The following GANAB variants were observed in gnomAD, a reference collection of about 807,000 sequenced individuals.
GANAB encodes the protein neutral alpha-glucosidase AB.
GANAB carries 35 observed loss-of-function variants against 129.9 expected under a neutral mutation model. The ratio of observed to expected loss-of-function variants is 0.27; its 90% CI spans 0.21 to 0.36. The LOEUF is 0.36. GANAB is among the 10% of genes least tolerant of loss of function. GANAB has a pLI of 1.00. For missense variants in GANAB, 939 were observed against 1,221.0 expected (o/e 0.77, Z 3.44); for synonymous variants, 482 against 451.8 (o/e 1.07, Z -0.85).
At position 62,626,950 on chromosome 11, in the gene GANAB, G is replaced by A. The variant is rs1943412551; in HGVS notation, c.2323-16C>T. Reference sequence around the variant, plus strand: ...CATACCACACCTGTGAGTGACAAAAGAGGTAAGATACCGGATCACTCAGTG... The same window carrying A: ...CATACCACACCTGTGAGTGACAAAAAAGGTAAGATACCGGATCACTCAGTG... On this transcript the variant is annotated splice_polypyrimidine_tract_variant and intron_variant, in intron 19 of 23. Transcript: ENST00000356638. 6.2e-7 allele frequency: 1 copy of A among 1,602,350 alleles called. No homozygotes were observed. The highest frequency in any genetic ancestry group is 1.3e-5 in the African/African-American group (1 of 74,800).
At chr11:62,631,220 GC>G in intron 9 of GANAB, 37 bp from the exon 10 acceptor site, 1 of 1,507,066 alleles carries the variant, frequency 6.6e-7, no homozygotes, top group Non-Finnish European at 8.9e-7. Flanking sequence ...GACACCTCCT[GC>G]CCTCCCATTT....
At position 62,630,633 on chromosome 11, in the gene GANAB, T is replaced by C. The variant is rs746197385; in HGVS notation, c.1354A>G (p.Met452Val). 1.2e-6 allele frequency: 2 copies of C among 1,613,404 alleles called. No individual in the cohort carries two copies. Among genetic ancestry groups the C allele is most frequent in the Non-Finnish European group, 1.7e-6 (2 of 1,179,376 alleles). ...CTCTTAGAAGCCAAGCGCTCAAGCATGGTGCGGGGCTGAGGGAAGCGACTG... is the reference window on the plus strand; with the variant it reads ...CTCTTAGAAGCCAAGCGCTCAAGCACGGTGCGGGGCTGAGGGAAGCGACTG... ...DPSRFPQPRT[M>V]LERLASKRRK... Residue 452 changes from methionine to valine, a missense_variant, in exon 11 of 24, where the codon ATG becomes GTG. Met to Val is a conservative substitution (Grantham distance 21). Coordinates refer to ENST00000356638, the MANE Select transcript of GANAB (RefSeq NM_198334.3).
At chr11:62,630,543 G>C (rs201409326) in intron 11 of GANAB, 38 bp from the exon 12 acceptor site, 3 of 1,613,868 alleles carry the variant, frequency 1.9e-6, no homozygotes, top group Non-Finnish European at 2.5e-6. Context: ...GTCTCTTTAA[G>C]GCTAAACTAT....
At position 62,630,389 on chromosome 11, in the gene GANAB, C is replaced by A. The variant is rs779819784; in HGVS notation, c.1503G>T (p.Trp501Cys). 12 of 1,614,210 alleles carry A rather than the reference C, an allele frequency of 7.4e-6. No homozygotes were observed. Among genetic ancestry groups the A allele is most frequent in the Non-Finnish European group, 1.0e-5 (12 of 1,180,044 alleles). ...KTRDGSDYEG[W>C]CWPGSAGYPD... ...TCTGGGTCTGCTTACCTGGCCAGCA[C>A]CAGCCCTCATAGTCAGAGCCATCCC... Residue 501 changes from tryptophan (W) to cysteine (C), a missense_variant, in exon 12 of 24, where the codon TGG becomes TGT. By Grantham distance (215) the Trp-to-Cys change is radical (BLOSUM62 -2). This residue lies in a region of GANAB where 220 missense variants were observed against 295.9 expected (regional missense o/e 0.74). Coordinates refer to ENST00000356638, the MANE Select transcript of GANAB (RefSeq NM_198334.3).
At chr11:62,626,266 T>A (rs901380152) in intron 22 of GANAB, 69 bp downstream of exon 22, 1 of 1,332,416 alleles carries the variant, frequency 7.5e-7, no homozygotes, top group Admixed American at 1.7e-5. Context: ...AAGAGCACAG[T>A]GAACTGGGAG....
chr11:62,638,838 G>C (rs1015406827), intron 4 of GANAB, 145 bp downstream of exon 4: 3 of 676,330 alleles, frequency 4.4e-6, no homozygotes, highest in African/African-American at 1.8e-5. Flanking sequence ...CAGAAGAAGA[G>C]GTGGGGAAAG....
Position 62,638,867 on chromosome 11 carries a change from G to A in GANAB, c.380+116C>T, listed in dbSNP as rs922456927. 4.3e-6 allele frequency: 4 copies of A among 935,388 alleles called. No homozygotes were observed. In the East Asian group the frequency reaches 7.3e-5, roughly 17 times the overall value. The allele number at this position is 935,388 out of a possible 1,614,324, so 57.9% of individuals were successfully genotyped here. A position where few individuals can be genotyped will look rare whatever the true frequency, so the allele number is the denominator to read the frequency against. ...GGGAAAGGTTGAGGAGTATGGCAAG[G>A]TGCTATGCTAGTTAACTACTACCTT... On this transcript the variant is annotated intron_variant, in intron 4 of 23. Coordinates refer to ENST00000356638, the MANE Select transcript of GANAB (RefSeq NM_198334.3).
rs200656158 is a variant in GANAB at position 62,630,517 on chromosome 11, G to A, written c.1387-12C>T. On this transcript the variant is annotated splice_polypyrimidine_tract_variant and intron_variant, in intron 11 of 23. Coordinates refer to ENST00000356638, the MANE Select transcript of GANAB (RefSeq NM_198334.3). ...ACGATGGCCACCAGCTGGGGGCAAGGAACAGGGGTGTTCAGGTCTCTTTAA... is the reference window on the plus strand; with the variant it reads ...ACGATGGCCACCAGCTGGGGGCAAGAAACAGGGGTGTTCAGGTCTCTTTAA... 3 of 1,614,172 alleles carry A rather than the reference G, an allele frequency of 1.9e-6. No individual in the cohort carries two copies. The highest frequency in any genetic ancestry group is 1.3e-5 in the African/African-American group (1 of 75,056).
chr11:62,645,848 C>A (rs938468978), intron 1 of GANAB, among the ~76,000 whole-genome samples: 1 of 152,200 alleles, frequency 6.6e-6, no homozygotes, highest in Non-Finnish European at 1.5e-5. Context: ...CACGCCTACC[C>A]CACCCCAGTA....
Position 62,626,650 on chromosome 11 carries a change from G to A in GANAB, c.2432C>T (p.Pro811Leu). ...PVFQRGGTIV[P>L]RWMRVRRSSE... is the part of the protein sequence containing the mutation. ...AGACCGCCGCACTCGCATCCATCGA[G>A]GCACGATTGTCCCTCCACGCTGGAA... Residue 811 changes from proline to leucine, a missense_variant, in exon 21 of 24, where the codon CCT (proline) becomes CTT (leucine). This residue lies in a region of GANAB where 230 missense variants were observed against 259.9 expected (regional missense o/e 0.89). Transcript: ENST00000356638. 1.2e-6 allele frequency: 2 copies of A among 1,610,630 alleles called. No individual in the cohort carries two copies. Among genetic ancestry groups the A allele is most frequent in the Non-Finnish European group, 1.7e-6 (2 of 1,178,176 alleles).
Position 62,639,092 on chromosome 11 carries a change from G to C in GANAB, c.271C>G (p.Leu91Val). ...GTCATGTTCTTTTGAAGCCCCTGAA[G>C]CTCTAGCACCAGCAACACCTGCGGG... The part of the protein sequence containing the change: ...EVTKVLLVLE[L>V]QGLQKNMTRF... Residue 91 changes from leucine (L) to valine (V), a missense_variant, in exon 4 of 24, where the codon CTT becomes GTT. By Grantham distance (32) the Leu-to-Val change is conservative (BLOSUM62 1). Around this residue, in one of 5 missense-constraint regions of GANAB, gnomAD observed 321 missense variants for 329.1 expected, o/e 0.98. Transcript: ENST00000356638. 6.2e-7 allele frequency: 1 copy of C among 1,613,990 alleles called. No homozygotes were observed. The highest frequency in any genetic ancestry group is 2.2e-5 in the East Asian group (1 of 44,876).
At chr11:62,643,910 C>T (rs564414363) in intron 1 of GANAB, among the ~76,000 whole-genome samples, 271 of 152,198 alleles carry the variant, frequency 1.8e-3, no homozygotes, top group Non-Finnish European at 3.0e-3. Flanking sequence ...GAATTACAGG[C>T]GTGAGCCACT....
intron 1 of GANAB, among the ~76,000 whole-genome samples, chr11:62,644,178 A>G (rs1944380539): frequency 6.6e-6 from 1 of 152,084 alleles, no homozygotes; most frequent in Non-Finnish European, 1.5e-5. Context: ...TCCCAACCTC[A>G]GGTGATTCGC....
At position 62,639,027 on chromosome 11, in the gene GANAB, T is replaced by C. The variant is rs1335168628; in HGVS notation, c.336A>G (p.Arg112=). Residue 112 remains arginine (R), a synonymous_variant, in exon 4 of 24, where the codon CGA becomes CGG. Coordinates refer to ENST00000356638, the MANE Select transcript of GANAB (RefSeq NM_198334.3). ...RIDELEPRRP[R]YRVPDVLVAD... ...CCACCAAAACATCTGGTACACGGTA[T>C]CGGGGTCGCCGAGGCTCCAGCTCAT... 1 of 1,614,090 alleles carries C rather than the reference T, an allele frequency of 6.2e-7. No individual in the cohort carries two copies.
intron 4 of GANAB, among the ~76,000 whole-genome samples, chr11:62,637,874 C>T (rs1944017449): frequency 6.7e-6 from 1 of 150,122 alleles, no homozygotes; most frequent in Non-Finnish European, 1.5e-5. Flanking sequence ...GTACTCCAGC[C>T]TGGGAGACAG....
At chr11:62,636,505 T>C (rs1003289381) in intron 4 of GANAB, among the ~76,000 whole-genome samples, 1 of 151,438 alleles carries the variant, frequency 6.6e-6, no homozygotes, top group Non-Finnish European at 1.5e-5. Flanking sequence ...AAAGCAAAAG[T>C]GTTAGAAGAA....
At chr11:62,626,477 T>C in intron 21 of GANAB, 30 bp from the exon 22 acceptor site, 1 of 1,552,556 alleles carries the variant, frequency 6.4e-7, no homozygotes, top group East Asian at 2.2e-5. Context: ...GGTGAGCGCC[T>C]GAGCCCAAGA....
At chr11:62,639,591 C>G (rs1417054535) in intron 2 of GANAB, 36 bp downstream of exon 2, 3 of 1,516,688 alleles carry the variant, frequency 2.0e-6, no homozygotes, top group Non-Finnish European at 2.7e-6. Context: ...ACCCTACAAC[C>G]CTACATTCCA....
intron 1 of GANAB, chr11:62,640,010 C>T (rs549842488): frequency 1.7e-4 from 60 of 351,240 alleles, no homozygotes; most frequent in East Asian, 1.1e-3. Flanking sequence ...CTGCGGCGGG[C>T]GGATCACGAG....
Sources: gnomAD v4.1 joint callset for allele counts (sites outside exome capture counted in the v4.1 genomes callset) on GRCh38, gnomAD v4.1.1 for gene constraint, gnomAD v4.1.1 regional missense constraint, MANE v1.5 for transcripts, NCBI Gene and HGNC (gene_info 2026-07-23, HGNC 2026-07-21) for gene names.